The following MCU variants were observed in gnomAD, a reference collection of about 807,000 sequenced individuals.
MCU encodes the protein mitochondrial calcium uniporter.
In MCU, 12 loss-of-function variants were observed where a neutral mutation model predicts 45.2. That is an observed-to-expected ratio of 0.27 (90% CI 0.17 to 0.43). The LOEUF (loss-of-function observed/expected upper bound fraction) is 0.43, where lower values mean the gene tolerates loss of function less well. Ranked by LOEUF, MCU falls within the 20% of genes least tolerant of loss-of-function variation. The probability of loss-of-function intolerance (pLI) is 1.00; values close to 1 mark genes in which losing one functional copy is unlikely to be tolerated. For synonymous variants in MCU, 160 were observed against 165.1 expected (o/e 0.97, Z 0.24); for missense variants, 324 against 436.7 (o/e 0.74, Z 2.30).
intron 1 of MCU, among the ~76,000 whole-genome samples, chr10:72,721,493 C>T (rs1843021412): frequency 1.3e-5 from 2 of 152,128 alleles, no homozygotes; most frequent in East Asian, 3.8e-4. Flanking sequence ...TCCCTCTTGC[C>T]CACTCCATTT....
At chr10:72,730,736 C>G (rs545635217) in intron 1 of MCU, 10 of 152,270 alleles carry the variant, frequency 6.6e-5, no homozygotes, top group African/African-American at 2.4e-4. Context: ...AGACAAAATC[C>G]CTTTTCCCAT....
intron 4 of MCU, among the ~76,000 whole-genome samples, chr10:72,866,260 G>A (rs1311865276): frequency 1.3e-5 from 2 of 152,048 alleles, no homozygotes; most frequent in African/African-American, 4.8e-5. Context: ...TTGAAATTCT[G>A]TATTTAAGAG....
chr10:72,751,964 C>T (rs912224371), intron 1 of MCU, among the ~76,000 whole-genome samples: 2 of 151,654 alleles, frequency 1.3e-5, no homozygotes, highest in Non-Finnish European at 2.9e-5. Flanking sequence ...CTCAGCATCC[C>T]GAGTAGCTAG....
At chr10:72,762,619 A>G (rs1227347684) in intron 1 of MCU, among the ~76,000 whole-genome samples, 1 of 152,206 alleles carries the variant, frequency 6.6e-6, no homozygotes, top group Non-Finnish European at 1.5e-5. Context: ...TTATACTAAT[A>G]GAATCTTTTT....
intron 1 of MCU, among the ~76,000 whole-genome samples, chr10:72,771,440 T>C (rs1423927455): frequency 1.3e-5 from 2 of 152,216 alleles, no homozygotes; most frequent in Non-Finnish European, 2.9e-5. Context: ...CAGTCCATCA[T>C]TGATGGGCAT....
intron 1 of MCU, among the ~76,000 whole-genome samples, chr10:72,808,613 C>T (rs909175368): frequency 1.3e-5 from 2 of 152,152 alleles, no homozygotes; most frequent in African/African-American, 4.8e-5. Context: ...TCCGTTCTCA[C>T]ATAACTATAA....
At chr10:72,777,340 A>G (rs2132745926) in intron 1 of MCU, among the ~76,000 whole-genome samples, 1 of 152,344 alleles carries the variant, frequency 6.6e-6, no homozygotes, top group South Asian at 2.1e-4. Flanking sequence ...ATACTGGCTT[A>G]AAAGCAGACA....
chr10:72,743,693 A>G (rs922548747), intron 1 of MCU, among the ~76,000 whole-genome samples: 2 of 152,210 alleles, frequency 1.3e-5, no homozygotes, highest in Non-Finnish European at 2.9e-5. Context: ...ACTTCAACAA[A>G]TACAGATTAA....
In MCU at chr10:72,819,837, A is replaced by T. The variant is rs1007668085; in HGVS notation, c.151-14522A>T. Among the ~76,000 whole-genome samples the T allele has an allele frequency of 7.9e-5, 12 of 151,652 alleles. No individual in the cohort carries two copies. The South Asian group carries it at 2.5e-3, about 32-fold the overall frequency. Reference sequence around the variant, plus strand: ...GGACATTCTTCTACATAATAATACAATTTTTATACTCAATAAATTTATCTT... The same window carrying T: ...GGACATTCTTCTACATAATAATACATTTTTTATACTCAATAAATTTATCTT... On this transcript the variant is annotated intron_variant, in intron 1 of 7. Coordinates refer to ENST00000373053, the MANE Select transcript of MCU (RefSeq NM_138357.3).
chr10:72,862,214 C>T (rs1032909345), intron 4 of MCU, among the ~76,000 whole-genome samples: 3 of 152,206 alleles, frequency 2.0e-5, no homozygotes, highest in Non-Finnish European at 1.5e-5. Flanking sequence ...ATCTCCTGAC[C>T]TTGTGATCTG....
intron 1 of MCU, among the ~76,000 whole-genome samples, chr10:72,723,378 T>C (rs1408769209): frequency 6.6e-6 from 1 of 152,160 alleles, no homozygotes; most frequent in East Asian, 1.9e-4. Flanking sequence ...AAAAAATTTC[T>C]TTCTATGATA....
chr10:72,709,170 C>A (rs1842859353), intron 1 of MCU, among the ~76,000 whole-genome samples: 1 of 152,136 alleles, frequency 6.6e-6, no homozygotes, highest in Non-Finnish European at 1.5e-5. Context: ...CCAAAGAAGG[C>A]AGATTTTTGG....
chr10:72,885,390 C>G (rs769006557), intron 7 of MCU, among the ~76,000 whole-genome samples: 4 of 152,196 alleles, frequency 2.6e-5, no homozygotes, highest in Admixed American at 6.5e-5. Flanking sequence ...GCATAAAGTT[C>G]TGGCTCTTAG....
At chr10:72,727,542 G>A (rs961188786) in intron 1 of MCU, among the ~76,000 whole-genome samples, 2 of 151,998 alleles carry the variant, frequency 1.3e-5, no homozygotes, top group Non-Finnish European at 1.5e-5. Context: ...AAGTGTCATC[G>A]CCCTTCATAA....
chr10:72,692,398 C>G (rs1300796444), intron 1 of MCU, 97 bp downstream of exon 1: 14 of 1,025,920 alleles, frequency 1.4e-5, no homozygotes, highest in Non-Finnish European at 1.7e-5. Flanking sequence ...GGCGAGTTAC[C>G]TCAACTCCCG....
At chr10:72,863,203 C>G (rs1205759487) in intron 4 of MCU, among the ~76,000 whole-genome samples, 1 of 152,138 alleles carries the variant, frequency 6.6e-6, no homozygotes, top group African/African-American at 2.4e-5. Context: ...TCCAATAAGC[C>G]TTTAATGATC....
At chr10:72,856,366 CTA>C (rs989568561) in intron 2 of MCU, among the ~76,000 whole-genome samples, 1 of 152,034 alleles carries the variant, frequency 6.6e-6, no homozygotes, top group African/African-American at 2.4e-5. Context: ...TATTTATAAA[CTA>C]TGTCTCAATT....
intron 6 of MCU, among the ~76,000 whole-genome samples, chr10:72,879,610 T>C (rs1845670121): frequency 6.6e-6 from 1 of 152,118 alleles, no homozygotes; most frequent in African/African-American, 2.4e-5. Flanking sequence ...AGAAGAAAGA[T>C]TATCACACGT....
intron 1 of MCU, among the ~76,000 whole-genome samples, chr10:72,801,892 T>A (rs1286307232): frequency 2.6e-5 from 4 of 151,950 alleles, no homozygotes; most frequent in African/African-American, 7.3e-5. Context: ...TGGTTTGTCT[T>A]GAACTCCTGA....
Sources: allele counts gnomAD v4.1 joint callset (sites outside exome capture counted in the v4.1 genomes callset), GRCh38; gene constraint gnomAD v4.1.1; transcripts MANE v1.5; gene names NCBI Gene and HGNC (gene_info 2026-07-23, HGNC 2026-07-21).